The following CARMIL1 variants were observed in gnomAD, a reference collection of about 807,000 sequenced individuals.
CARMIL1 encodes the protein capping protein regulator and myosin 1 linker 1, also known as F-actin-uncapping protein LRRC16A.
CARMIL1 carries 90 observed loss-of-function variants against 177.1 expected under a neutral mutation model. That is an observed-to-expected ratio of 0.51 (90% confidence interval 0.43 to 0.61). The LOEUF (loss-of-function observed/expected upper bound fraction) is 0.61. Ranked by LOEUF, CARMIL1 falls within the 20% of genes least tolerant of loss-of-function variation. The probability of loss-of-function intolerance (pLI) is 0.00; values close to 1 mark genes in which losing one functional copy is unlikely to be tolerated. For missense variants in CARMIL1, 1,380 were observed against 1,667.0 expected (o/e 0.83, Z 3.00); for synonymous variants, 577 against 606.2 (o/e 0.95, Z 0.71).
intron 2 of CARMIL1, among the ~76,000 whole-genome samples, chr6:25,336,013 T>C (rs1786185005): frequency 6.6e-6 from 1 of 151,992 alleles, no homozygotes; most frequent in Non-Finnish European, 1.5e-5. Flanking sequence ...TCTCGGCCAT[T>C]TGACTACTTC....
chr6:25,313,482 C>A (rs1190928599), intron 2 of CARMIL1, among the ~76,000 whole-genome samples: 3 of 151,892 alleles, frequency 2.0e-5, no homozygotes, highest in Admixed American at 6.6e-5. Context: ...TATAAGGCTG[C>A]AGATACATAG....
chr6:25,431,562 T>A (rs373964895), intron 4 of CARMIL1, among the ~76,000 whole-genome samples: 6 of 145,234 alleles, frequency 4.1e-5, no homozygotes, highest in African/African-American at 1.5e-4. Context: ...GTGGTCTTAA[T>A]TCAGGAATGT....
chr6:25,514,434 C>T (rs1038847296), intron 20 of CARMIL1, among the ~76,000 whole-genome samples: 2 of 151,418 alleles, frequency 1.3e-5, no homozygotes, highest in African/African-American at 4.9e-5. Flanking sequence ...GTAATCCCAG[C>T]TACTCGGTAG....
intron 2 of CARMIL1, among the ~76,000 whole-genome samples, chr6:25,318,587 C>T (rs1784446162): frequency 6.6e-6 from 1 of 152,196 alleles, no homozygotes; most frequent in Non-Finnish European, 1.5e-5. Context: ...CTGCCTCGTA[C>T]CTCAAGTTTT....
chr6:25,312,325 C>T (rs1783894285), intron 2 of CARMIL1, among the ~76,000 whole-genome samples: 1 of 152,086 alleles, frequency 6.6e-6, no homozygotes, highest in Non-Finnish European at 1.5e-5. Flanking sequence ...GTATATTCCC[C>T]AAGACAAGAG....
chr6:25,415,020 G>A (rs1160267165), intron 2 of CARMIL1, among the ~76,000 whole-genome samples: 1 of 152,208 alleles, frequency 6.6e-6, no homozygotes, highest in Non-Finnish European at 1.5e-5. Context: ...GCCACAGATT[G>A]TGAACCTTAT....
In CARMIL1 at chr6:25,450,975, TCCTCTCCCCCTCC is replaced by T. The variant is rs1294710813; in HGVS notation, c.614+274_614+286del. On this transcript the variant is annotated intron_variant, in intron 8 of 36. Coordinates refer to ENST00000329474, the MANE Select transcript of CARMIL1 (RefSeq NM_017640.6). ...TCCTCTCCTCTCCTCTCTTCTCTTCTCCTCTCCCCCTCCCCTCTCCCCTCTCCCCTCTCCCCTC... is the reference window on the plus strand; with the variant it reads ...TCCTCTCCTCTCCTCTCTTCTCTTCTCCTCTCCCCTCTCCCCTCTCCCCTC... Among the ~76,000 whole-genome samples, 32 of 5,254 alleles carry T rather than the reference TCCTCTCCCCCTCC, an allele frequency of 6.1e-3. 6 individuals carry two copies. The highest frequency in any genetic ancestry group is 9.8e-3 in the Non-Finnish European group (30 of 3,046). The allele number at this position is 5,254 out of a possible 152,430, so 3.4% of individuals were successfully genotyped here. A position where few individuals can be genotyped will look rare whatever the true frequency, so the allele number is the denominator to read the frequency against.
intron 2 of CARMIL1, among the ~76,000 whole-genome samples, chr6:25,419,463 A>G (rs1243262964): frequency 6.6e-6 from 1 of 152,172 alleles, no homozygotes; most frequent in Non-Finnish European, 1.5e-5. Flanking sequence ...CTTAGTATTC[A>G]TGAGGGCCTC....
chr6:25,316,664 G>A (rs183886954), intron 2 of CARMIL1, among the ~76,000 whole-genome samples: 2 of 151,904 alleles, frequency 1.3e-5, no homozygotes, highest in Admixed American at 1.3e-4. Context: ...TGCCTGCCTC[G>A]GCCTCCAAAA....
intron 2 of CARMIL1, among the ~76,000 whole-genome samples, chr6:25,301,178 T>C (rs1880271): frequency 0.066 from 10,000 of 152,164 alleles, 456 homozygotes; most frequent in African/African-American, 0.14. Flanking sequence ...TGGGAAGAGA[T>C]TGATCCTCTT....
At chr6:25,528,702 G>T in intron 23 of CARMIL1, 93 bp from the exon 24 acceptor site, 1 of 933,722 alleles carries the variant, frequency 1.1e-6, no homozygotes, top group Non-Finnish European at 1.7e-6. Flanking sequence ...TCACGCTTCG[G>T]TTTTTAAGTT....
intron 5 of CARMIL1, among the ~76,000 whole-genome samples, chr6:25,445,222 T>C (rs1798113915): frequency 6.6e-6 from 1 of 152,272 alleles, no homozygotes; most frequent in Non-Finnish European, 1.5e-5. Flanking sequence ...TAAAAGTTTT[T>C]TCGTGGATTA....
chr6:25,313,021 CT>C (rs1783968086), intron 2 of CARMIL1, among the ~76,000 whole-genome samples: 1 of 151,950 alleles, frequency 6.6e-6, no homozygotes, highest in Non-Finnish European at 1.5e-5. Flanking sequence ...TTTAGTCATG[CT>C]TCTGTCCTCT....
chr6:25,493,461 G>A (rs1448529916), intron 15 of CARMIL1, among the ~76,000 whole-genome samples: 3 of 152,300 alleles, frequency 2.0e-5, no homozygotes, highest in East Asian at 3.9e-4. Context: ...AACAGTGACC[G>A]CTTTCCTCCA....
At chr6:25,410,451 G>A (rs893124472) in intron 2 of CARMIL1, among the ~76,000 whole-genome samples, 6 of 152,228 alleles carry the variant, frequency 3.9e-5, no homozygotes, top group Non-Finnish European at 7.3e-5. Flanking sequence ...CAGAGGTATG[G>A]GAGGCTGAGT....
chr6:25,533,655 GTCT>G (rs1268144874), intron 24 of CARMIL1, among the ~76,000 whole-genome samples: 9 of 151,966 alleles, frequency 5.9e-5, no homozygotes, highest in Non-Finnish European at 1.3e-4. Flanking sequence ...CCACTCTTGT[GTCT>G]TACCTTCTGC....
At chr6:25,325,374 A>G (rs1450269952) in intron 2 of CARMIL1, among the ~76,000 whole-genome samples, 2 of 152,180 alleles carry the variant, frequency 1.3e-5, no homozygotes, top group African/African-American at 2.4e-5. Context: ...GAAGGCTGAT[A>G]TTTAACTATC....
intron 11 of CARMIL1, among the ~76,000 whole-genome samples, chr6:25,474,158 A>T (rs914138035): frequency 1.3e-5 from 2 of 149,728 alleles, no homozygotes; most frequent in African/African-American, 4.9e-5. Context: ...CCCAGGCTGG[A>T]GTGCAGTGGC....
chr6:25,296,632 A>C (rs773283942), intron 2 of CARMIL1, among the ~76,000 whole-genome samples: 8 of 152,208 alleles, frequency 5.3e-5, no homozygotes, highest in Non-Finnish European at 1.2e-4. Flanking sequence ...TATGGGGCAC[A>C]GCCACACTCA....
Sources: gnomAD v4.1 joint callset for allele counts (sites outside exome capture counted in the v4.1 genomes callset) on GRCh38, gnomAD v4.1.1 for gene constraint, MANE v1.5 for transcripts, NCBI Gene and HGNC (gene_info 2026-07-23, HGNC 2026-07-21) for gene names.